Variants in CCDC22 observed in about 807,000 individuals in gnomAD.
CCDC22 encodes the protein coiled-coil domain-containing protein 22.
CCDC22 carries 4 observed loss-of-function variants against 53.1 expected under a neutral mutation model. The ratio of observed to expected loss-of-function variants is 0.08; its 90% CI spans 0.04 to 0.17. CCDC22 has a LOEUF of 0.17. CCDC22 is among the 10% of genes least tolerant of loss of function. The probability of loss-of-function intolerance (pLI) is 1.00; values close to 1 mark genes in which losing one functional copy is unlikely to be tolerated. For missense variants in CCDC22, 458 were observed against 554.0 expected, an observed-to-expected ratio of 0.83 and a Z score of 1.74; for synonymous variants, 222 against 224.4, an observed-to-expected ratio of 0.99 and a Z score of 0.10.
In CCDC22 at chrX:49,248,280, C is replaced by T. The variant is rs782397304; in HGVS notation, c.1182C>T (p.Pro394=). 3.8e-5 allele frequency: 45 copies of T among 1,172,476 alleles called. No homozygotes were observed. In the Admixed American group the frequency reaches 4.0e-4, roughly 10 times the overall value. The change falls in exon 10 of 17, where the codon CCC becomes CCT. Residue 394 remains proline, a synonymous_variant. Transcript: ENST00000376227. ...AGAGCCGCGCGGTGGAGCTGCTGCC[C>T]GATGGGACTGCCAACCTTGCCAAGC... is the stretch of plus-strand genomic sequence containing the variant. ...RLKSRAVELL[P]DGTANLAKLQ...
chrX:49,249,005 G>A (rs928157328), intron 13 of CCDC22, 81 bp downstream of exon 13: 20 of 1,158,497 alleles, frequency 1.7e-5, no homozygotes, highest in Non-Finnish European at 1.2e-6. Context: ...ACACCCTCAG[G>A]CAGAGCTGTC....
At chrX:49,249,972 C>G (rs973895222) in intron 16 of CCDC22, among the ~76,000 whole-genome samples, 176 bp from the exon 17 acceptor site, 1 of 112,792 alleles carries the variant, frequency 8.9e-6, no homozygotes, top group African/African-American at 3.2e-5. Context: ...GGGAATCCTG[C>G]CACATGGCGA....
In CCDC22 at chrX:49,246,855, G is replaced by A. The variant is rs1206885777; in HGVS notation, c.839G>A (p.Gly280Asp). The change falls in exon 7 of 17, where the codon GGT (glycine) becomes GAT (aspartate). Residue 280 changes from glycine to aspartate, a missense_variant. This residue lies in a region of CCDC22 where 309 missense variants were observed against 312.3 expected (regional missense o/e 0.99). Coordinates refer to ENST00000376227, the MANE Select transcript of CCDC22 (RefSeq NM_014008.5). Reference sequence around the variant, plus strand: ...CTGGGAGAACTGCTGCAGGCCTGGGGTGCTGGGGCCAAGACTGGTGCTCCT... The same window carrying A: ...CTGGGAGAACTGCTGCAGGCCTGGGATGCTGGGGCCAAGACTGGTGCTCCT... ...RDLGELLQAW[G>D]AGAKTGAPKG... 3.6e-5 allele frequency: 43 copies of A among 1,202,517 alleles called. No homozygotes were observed. Among genetic ancestry groups the A allele is most frequent in the Non-Finnish European group, 4.8e-5 (43 of 890,737 alleles).
In CCDC22 at chrX:49,242,936, C is replaced by T; in HGVS notation, c.412C>T (p.Leu138=). The change falls in exon 4 of 17, where the codon CTG becomes TTG. Residue 138 remains leucine, a synonymous_variant. Coordinates refer to ENST00000376227, the MANE Select transcript of CCDC22 (RefSeq NM_014008.5). ...RAIGSQIRDQ[L]ALPWVPPHLR... is the part of the protein sequence containing the mutation. ...CATTGGGAGCCAAATTCGGGACCAG[C>T]TGGCACTGCCTTGGGTCCCGCCCCA... 2 of 1,170,942 alleles carry T rather than the reference C, an allele frequency of 1.7e-6. No homozygotes were observed. The highest frequency in any genetic ancestry group is 2.3e-6 in the Non-Finnish European group (2 of 873,515).
rs1231061425 is a variant in CCDC22, at chrX:49,247,244, G to A, written c.910-252G>A. On this transcript the variant is annotated intron_variant, in intron 7 of 16. Coordinates refer to ENST00000376227, the MANE Select transcript of CCDC22 (RefSeq NM_014008.5). ...TGAGGGCCCCCCATCCTTCTCATGG[G>A]CATTTGAGGCTTGAGAGATGGGGCA... is the stretch of plus-strand genomic sequence containing the variant. Among the ~76,000 whole-genome samples, 4 of 112,796 alleles carry A rather than the reference G, an allele frequency of 3.5e-5. No individual in the cohort carries two copies. The East Asian group carries it at 1.1e-3, about 31-fold the overall frequency.
At position 49,246,786 on chromosome X, in the gene CCDC22, G is replaced by A. The variant is rs782333944; in HGVS notation, c.770G>A (p.Arg257His). 1.4e-5 allele frequency: 17 copies of A among 1,187,990 alleles called. No individual in the cohort carries two copies. The highest frequency in any genetic ancestry group is 9.2e-5 in the Admixed American group (4 of 43,471). ...RLQKQLTEHL[R>H]QSWGLLGAPI... ...CAAAAGCAACTGACTGAGCATCTGC[G>A]CCAAAGCTGGGGCCTGCTTGGGGCC... The change falls in exon 7 of 17, where the codon CGC becomes CAC. Residue 257 changes from arginine to histidine, a missense_variant. Physicochemically the swap from Arg to His is conservative, Grantham distance 29. This residue lies in a region of CCDC22 where 309 missense variants were observed against 312.3 expected (regional missense o/e 0.99). Coordinates refer to ENST00000376227, the MANE Select transcript of CCDC22 (RefSeq NM_014008.5).
In CCDC22 at chrX:49,242,105, G is replaced by A. The variant is rs145290074; in HGVS notation, c.318G>A (p.Glu106=). The change falls in exon 3 of 17, where the codon GAG becomes GAA. Residue 106 remains glutamate (E), a synonymous_variant. Transcript: ENST00000376227. ...DLRDLLLFLA[E]RLPTDASEDA... ...GAGACCTGCTTCTCTTCTTGGCTGAGCGTCTGCCCACCGATGCCTCTGAGG... is the reference window on the plus strand; with the variant it reads ...GAGACCTGCTTCTCTTCTTGGCTGAACGTCTGCCCACCGATGCCTCTGAGG... The A allele has an allele frequency of 1.7e-6, 2 of 1,210,661 alleles. No individual in the cohort carries two copies. The highest frequency in any genetic ancestry group is 2.2e-6 in the Non-Finnish European group (2 of 895,174).
At chrX:49,235,741 C>T in intron 1 of CCDC22, 55 bp downstream of exon 1, 1 of 1,056,386 alleles carries the variant, frequency 9.5e-7, no homozygotes. Flanking sequence ...CTCTAAAGCC[C>T]AGGACCCCGT....
intron 6 of CCDC22, among the ~76,000 whole-genome samples, chrX:49,246,399 CCT>C (rs1557114167): frequency 8.9e-6 from 1 of 112,217 alleles, no homozygotes; most frequent in Non-Finnish European, 1.9e-5. Context: ...CCTTTGATTC[CCT>C]GTCTCTGCCC....
At position 49,247,721 on chromosome X, in the gene CCDC22, G is replaced by A; in HGVS notation, c.1045G>A (p.Glu349Lys). ...GCTGGAAGGAGTGAACCGCAGCATT[G>A]AGGAGGTTGAGGCCGACATGAAGAC... ...EQLEGVNRSI[E>K]EVEADMKTLG... The change falls in exon 9 of 17, where the codon GAG becomes AAG. Residue 349 changes from glutamate (E) to lysine (K), a missense_variant. By Grantham distance (56) the Glu-to-Lys change is moderately conservative. Transcript: ENST00000376227. 8.3e-7 allele frequency: 1 copy of A among 1,210,181 alleles called. No individual in the cohort carries two copies. Among genetic ancestry groups the A allele is most frequent in the Non-Finnish European group, 1.1e-6 (1 of 894,686 alleles).
chrX:49,248,266 G>A lies in CCDC22; in HGVS notation c.1168G>A (p.Val390Met), dbSNP rs782313245. The change falls in exon 10 of 17, where the codon GTG becomes ATG. Residue 390 changes from valine to methionine, a missense_variant. Coordinates refer to ENST00000376227, the MANE Select transcript of CCDC22 (RefSeq NM_014008.5). ...EQALRLKSRA[V>M]ELLPDGTANL... ...GGCCCTGCGCCTGAAGAGCCGCGCG[G>A]TGGAGCTGCTGCCCGATGGGACTGC... 1 of 1,202,905 alleles carries A rather than the reference G, an allele frequency of 8.3e-7. No homozygotes were observed. Among genetic ancestry groups the A allele is most frequent in the African/African-American group, 1.8e-5 (1 of 56,151 alleles).
intron 16 of CCDC22, 28 bp from the exon 17 acceptor site, chrX:49,250,120 G>A: frequency 1.1e-6 from 1 of 918,618 alleles, no homozygotes; most frequent in Non-Finnish European, 1.5e-6. Context: ...TGTGTGTGCT[G>A]AGGGGGCATG....
intron 16 of CCDC22, 44 bp downstream of exon 16, chrX:49,249,769 G>A: frequency 9.5e-7 from 1 of 1,048,139 alleles, no homozygotes; most frequent in Non-Finnish European, 1.3e-6. Flanking sequence ...GGGCCGGGGG[G>A]ACAGTTCCTC....
At chrX:49,247,332 G>T (rs2065995526) in intron 7 of CCDC22, among the ~76,000 whole-genome samples, 164 bp from the exon 8 acceptor site, 1 of 112,800 alleles carries the variant, frequency 8.9e-6, no homozygotes, top group Non-Finnish European at 1.9e-5. Flanking sequence ...CTGGCCCGAG[G>T]TTGCAGATGG....
chrX:49,244,584 G>A lies in CCDC22; in HGVS notation c.714+1122G>A, dbSNP rs113666443. Among the ~76,000 whole-genome samples, 380 of 107,384 alleles carry A rather than the reference G, an allele frequency of 3.5e-3. 3 individuals carry two copies. The highest frequency in any genetic ancestry group is 0.012 in the African/African-American group (359 of 29,351). 93.3% of individuals were successfully genotyped at this position (107,384 alleles called of 115,157 possible). On this transcript the variant is annotated intron_variant, in intron 6 of 16. Coordinates refer to ENST00000376227, the MANE Select transcript of CCDC22 (RefSeq NM_014008.5). ...CTCTCTTCTTCTTTTTTTTTGAGAC[G>A]GTGTCTCGCTCTGTCACCCAGGCTG...
chrX:49,247,400 G>A, intron 7 of CCDC22, 96 bp from the exon 8 acceptor site: 2 of 814,082 alleles, frequency 2.5e-6, no homozygotes, highest in East Asian at 6.9e-5. Context: ...GGGCATGCAT[G>A]CCGCACTGGG....
intron 6 of CCDC22, among the ~76,000 whole-genome samples, chrX:49,245,249 C>T (rs1557114020): frequency 9.0e-6 from 1 of 111,333 alleles, no homozygotes; most frequent in African/African-American, 3.3e-5. Flanking sequence ...CCTCTGTGTC[C>T]ACATCTCTGT....
chrX:49,247,974 G>A (rs1213101054), intron 9 of CCDC22, among the ~76,000 whole-genome samples: 6 of 110,961 alleles, frequency 5.4e-5, no homozygotes, highest in Non-Finnish European at 9.5e-5. Context: ...ATGGGGCACC[G>A]CGGGTCTGCA....
In CCDC22 at chrX:49,248,301, C is replaced by T. The variant is rs1252229923; in HGVS notation, c.1203C>T (p.Ala401=). 2.1e-5 allele frequency: 24 copies of T among 1,169,462 alleles called. No homozygotes were observed. The highest frequency in any genetic ancestry group is 2.7e-5 in the Non-Finnish European group (24 of 879,373). Residue 401 remains alanine (A), a synonymous_variant, in exon 10 of 17, where the codon GCC becomes GCT. Transcript: ENST00000376227. ...TGCCCGATGGGACTGCCAACCTTGC[C>T]AAGCTGCAGGTGGGGTTGGGGCTGT... ...ELLPDGTANL[A]KLQLVVENSA...
Sources: allele counts gnomAD v4.1 joint callset (sites outside exome capture counted in the v4.1 genomes callset), GRCh38; gene constraint gnomAD v4.1.1; regional missense constraint gnomAD v4.1.1; transcripts MANE v1.5; gene names NCBI Gene and HGNC (gene_info 2026-07-23, HGNC 2026-07-21).